ABCB11: variants seen among roughly 807,000 people sequenced by gnomAD.
ABCB11 encodes bile salt export pump.
In ABCB11, 95 loss-of-function variants were observed where a neutral mutation model predicts 148.0. That is an observed-to-expected ratio of 0.64 (90% CI 0.54 to 0.76). The LOEUF is 0.76. Among genes scored for constraint, ABCB11 ranks in the 30% least tolerant of loss-of-function variants. ABCB11 has a pLI of 0.00. For missense variants in ABCB11, 1,523 were observed against 1,617.8 expected, an observed-to-expected ratio of 0.94 and a Z score of 1.01; for synonymous variants, 591 against 555.4, an observed-to-expected ratio of 1.06 and a Z score of -0.90.
At chr2:168,953,743 C>T (rs565005059) in intron 19 of ABCB11, among the ~76,000 whole-genome samples, 3 of 151,630 alleles carry the variant, frequency 2.0e-5, no homozygotes, top group Admixed American at 6.6e-5. Flanking sequence ...AAAGTCAAAT[C>T]GGGAACTGCT....
At chr2:169,026,436 A>G (rs1695697342) in intron 1 of ABCB11, among the ~76,000 whole-genome samples, 1 of 152,172 alleles carries the variant, frequency 6.6e-6, no homozygotes, top group Admixed American at 6.5e-5. Context: ...AACGGCTGTG[A>G]TGATTTTTGA....
chr2:168,975,810 C>T (rs1020509209), intron 12 of ABCB11, among the ~76,000 whole-genome samples: 5 of 147,764 alleles, frequency 3.4e-5, no homozygotes, highest in African/African-American at 1.2e-4. Flanking sequence ...TCATATATAT[C>T]ACATATATAT....
chr2:168,941,819 T>A (rs1409512424), intron 21 of ABCB11, among the ~76,000 whole-genome samples: 1 of 152,056 alleles, frequency 6.6e-6, no homozygotes, highest in Non-Finnish European at 1.5e-5. Context: ...GTCAGTCAGT[T>A]GCTATTAATA....
chr2:168,928,461 A>T (rs939763287), intron 25 of ABCB11, among the ~76,000 whole-genome samples: 3 of 152,014 alleles, frequency 2.0e-5, no homozygotes, highest in Non-Finnish European at 2.9e-5. Flanking sequence ...AGCAAAGAGG[A>T]CTTTGAAAAA....
At position 168,987,934 on chromosome 2, in the gene ABCB11, A is replaced by C. The variant is rs182106327; in HGVS notation, c.909-1650T>G. On this transcript the variant is annotated intron_variant, in intron 9 of 27. Coordinates refer to ENST00000650372, the MANE Select transcript of ABCB11 (RefSeq NM_003742.4). ...AACATGATGGTTTGAAGTATGTATA[A>C]ATTGTGGAATGGCTAAATCAAGATA... 5.3e-5 allele frequency among the ~76,000 whole-genome samples: 8 copies of C among 152,258 alleles called. No homozygotes were observed. The East Asian group carries it at 1.5e-3, about 29-fold the overall frequency.
chr2:168,927,080 C>T, intron 26 of ABCB11, 76 bp downstream of exon 26: 2 of 1,388,358 alleles, frequency 1.4e-6, no homozygotes, highest in South Asian at 2.4e-5. Flanking sequence ...TAGGGATGCT[C>T]AACCTGTACA....
At chr2:168,997,090 A>G (rs1694741464) in intron 5 of ABCB11, among the ~76,000 whole-genome samples, 1 of 152,014 alleles carries the variant, frequency 6.6e-6, no homozygotes, top group East Asian at 1.9e-4. Context: ...TCTTCCATGC[A>G]TACTCATCAT....
intron 12 of ABCB11, 138 bp downstream of exon 12, chr2:168,976,439 T>C: frequency 1.9e-6 from 1 of 524,070 alleles, no homozygotes; most frequent in Non-Finnish European, 3.4e-6. Context: ...CACCCGAGGA[T>C]ACTTTCAGAG....
At chr2:169,009,038 G>A (rs1218064893) in intron 5 of ABCB11, among the ~76,000 whole-genome samples, 1 of 152,154 alleles carries the variant, frequency 6.6e-6, no homozygotes, top group Non-Finnish European at 1.5e-5. Flanking sequence ...CATATTATAT[G>A]ATATTATTAA....
intron 18 of ABCB11, among the ~76,000 whole-genome samples, chr2:168,962,000 A>G (rs1324864995): frequency 1.3e-5 from 2 of 151,754 alleles, no homozygotes; most frequent in Admixed American, 6.6e-5. Context: ...ACCAAAACAG[A>G]GCAACATTTT....
chr2:169,012,487 G>C (rs911828322), intron 5 of ABCB11, among the ~76,000 whole-genome samples: 1 of 152,116 alleles, frequency 6.6e-6, no homozygotes, highest in African/African-American at 2.4e-5. Flanking sequence ...TCTCACGCCT[G>C]TAATCTCAGC....
At chr2:168,982,648 G>A (rs1410614712) in intron 10 of ABCB11, among the ~76,000 whole-genome samples, 4 of 152,050 alleles carry the variant, frequency 2.6e-5, no homozygotes, top group Non-Finnish European at 4.4e-5. Context: ...ACGATTTTGT[G>A]TATCACAAAA....
Position 168,968,486 on chromosome 2 carries a change from T to A in ABCB11, c.2016A>T (p.Ala672=), listed in dbSNP as rs886055065. 22 of 1,610,736 alleles carry A rather than the reference T, an allele frequency of 1.4e-5. No individual in the cohort carries two copies. The East Asian group carries it at 4.9e-4, about 36-fold the overall frequency. The change falls in exon 17 of 28, where the codon GCA becomes GCT. Residue 672 remains alanine (A), a synonymous_variant. Transcript: ENST00000650372. ...QALNEEDIKD[A]TEDDMLARTF... Reference sequence around the variant, plus strand: ...TCCTCGCAAGCATGTCATCTTCAGTTGCATCTACTCAACACAGCATGAGCA... The same window carrying A: ...TCCTCGCAAGCATGTCATCTTCAGTAGCATCTACTCAACACAGCATGAGCA...
chr2:168,934,604 A>C (rs1278272548), intron 23 of ABCB11, among the ~76,000 whole-genome samples: 2 of 152,200 alleles, frequency 1.3e-5, no homozygotes, highest in Non-Finnish European at 2.9e-5. Context: ...CCTCTTTGCA[A>C]GAGAGGAGTT....
At chr2:168,940,860 T>TA (rs1455957325) in intron 21 of ABCB11, among the ~76,000 whole-genome samples, 1 of 152,114 alleles carries the variant, frequency 6.6e-6, no homozygotes, top group African/African-American at 2.4e-5. Context: ...AGAGGCATGC[T>TA]AAATCTCCTC....
At chr2:168,953,969 T>G (rs569449744) in intron 19 of ABCB11, among the ~76,000 whole-genome samples, 1 of 151,790 alleles carries the variant, frequency 6.6e-6, no homozygotes, top group South Asian at 2.1e-4. Flanking sequence ...TGTTGATTGA[T>G]GTCTCGTGTC....
At chr2:168,980,029 T>C (rs759835766) in intron 10 of ABCB11, 50 bp from the exon 11 acceptor site, 149 of 1,065,280 alleles carry the variant, frequency 1.4e-4, no homozygotes, top group Non-Finnish European at 2.0e-4. Flanking sequence ...AATGTGTAAA[T>C]AGTAATTACT....
intron 10 of ABCB11, among the ~76,000 whole-genome samples, chr2:168,982,594 T>C (rs1694168243): frequency 6.6e-6 from 1 of 152,164 alleles, no homozygotes. Context: ...CAGTCACTTA[T>C]GTGAACTACT....
At chr2:169,007,267 A>G (rs1695047600) in intron 5 of ABCB11, among the ~76,000 whole-genome samples, 1 of 152,192 alleles carries the variant, frequency 6.6e-6, no homozygotes, top group Non-Finnish European at 1.5e-5. Context: ...TAGTTGTTCC[A>G]CAAATGATGC....
Sources: gnomAD v4.1 joint callset for allele counts (sites outside exome capture counted in the v4.1 genomes callset) on GRCh38, gnomAD v4.1.1 for gene constraint, MANE v1.5 for transcripts, NCBI Gene and HGNC (gene_info 2026-07-23, HGNC 2026-07-21) for gene names.